Variants in MMP13 observed in about 807,000 individuals in gnomAD.
The protein encoded by MMP13 is collagenase 3.
MMP13 carries 45 observed loss-of-function variants against 52.1 expected under a neutral mutation model. That is an observed-to-expected ratio of 0.86 (90% CI 0.68 to 1.11). MMP13 has a LOEUF of 1.11. Among genes scored for constraint, MMP13 ranks in the 50% least tolerant of loss-of-function variants. MMP13 has a pLI of 0.00. For missense variants in MMP13, 576 were observed against 583.8 expected, an observed-to-expected ratio of 0.99 and a Z score of 0.14; for synonymous variants, 200 against 204.4, an observed-to-expected ratio of 0.98 and a Z score of 0.18.
At chr11:102,954,707 T>A in intron 2 of MMP13, 101 bp from the exon 3 acceptor site, 1 of 1,160,472 alleles carries the variant, frequency 8.6e-7, no homozygotes, top group Non-Finnish European at 1.3e-6. Flanking sequence ...ATGCAATAAT[T>A]TCTTTGAAAG....
At position 102,955,627 on chromosome 11, in the gene MMP13, C is replaced by T; in HGVS notation, c.79G>A (p.Asp27Asn). The change falls in exon 1 of 10, where the codon GAT becomes AAT. Residue 27 changes from aspartate to asparagine, a missense_variant. Physicochemically the swap from Asp to Asn is conservative, Grantham distance 23. Coordinates refer to ENST00000260302, the MANE Select transcript of MMP13 (RefSeq NM_002427.4). This position sits in a 1 kb window ranked among gnomAD's most constrained non-coding sequence, Gnocchi z 4.9. ...CRALPLPSGG[D>N]EDDLSEEDLQ... ...TCTTCCTCAGACAAATCATCTTCAT[C>T]ACCACCACTGGGAAGGGGCAGGGCC... The T allele has an allele frequency of 6.2e-7, 1 of 1,614,026 alleles. No homozygotes were observed. Among genetic ancestry groups the T allele is most frequent in the Non-Finnish European group, 8.5e-7 (1 of 1,179,928 alleles).
In MMP13 at chr11:102,944,375, A is replaced by C; in HGVS notation, c.1316-9T>G. ...GAAAAAATAGATATAACCTATAAGA[A>C]AAAGCATAAAGACAATTTCAGAGTT... On this transcript the variant is annotated splice_polypyrimidine_tract_variant and intron_variant, in intron 9 of 9. Coordinates refer to ENST00000260302, the MANE Select transcript of MMP13 (RefSeq NM_002427.4). 6.4e-7 allele frequency: 1 copy of C among 1,562,310 alleles called. No homozygotes were observed. The highest frequency in any genetic ancestry group is 8.8e-7 in the Non-Finnish European group (1 of 1,133,260).
chr11:102,955,186 A>G lies in MMP13; in HGVS notation c.362+66T>C. ...CCAATTAAATAATAAGGCCTACTTA[A>G]TATTAGACATTTAATACTACAAGAA... On this transcript the variant is annotated intron_variant, in intron 2 of 9. Transcript: ENST00000260302. The surrounding 1 kb of genome is among the most constrained non-coding windows in gnomAD (Gnocchi z 4.9). 1 of 1,559,620 alleles carries G rather than the reference A, an allele frequency of 6.4e-7. No individual in the cohort carries two copies.
chr11:102,953,531 T>C (rs1261996955), intron 4 of MMP13, among the ~76,000 whole-genome samples: 3 of 152,194 alleles, frequency 2.0e-5, no homozygotes, highest in African/African-American at 7.2e-5. Flanking sequence ...CCCAATTATT[T>C]TGAGACTTGA....
rs1267865701 is a variant in MMP13, at chr11:102,955,673, G to A, written c.33C>T (p.Phe11=). 1.2e-6 allele frequency: 2 copies of A among 1,613,858 alleles called. No individual in the cohort carries two copies. The highest frequency in any genetic ancestry group is 1.7e-6 in the Non-Finnish European group (2 of 1,179,894). The change falls in exon 1 of 10, where the codon TTC becomes TTT. Residue 11 remains phenylalanine (F), a synonymous_variant. Coordinates refer to ENST00000260302, the MANE Select transcript of MMP13 (RefSeq NM_002427.4). This position sits in a 1 kb window ranked among gnomAD's most constrained non-coding sequence, Gnocchi z 4.9. Reference sequence around the variant, plus strand: ...GGGCCCGACAATGAGTCCAGCTCAAGAAGAGGAAGGCAGCCAGGACCCCTG... The same window carrying A: ...GGGCCCGACAATGAGTCCAGCTCAAAAAGAGGAAGGCAGCCAGGACCCCTG... MHPGVLAAFL[F]LSWTHCRALP...
chr11:102,950,043 C>T (rs1465896857), intron 6 of MMP13, 67 bp downstream of exon 6: 1 of 1,341,324 alleles, frequency 7.5e-7, no homozygotes, highest in South Asian at 1.2e-5. Context: ...GATGTTTTGG[C>T]AATATGCAGA....
At chr11:102,951,146 G>C (rs183532597) in intron 5 of MMP13, among the ~76,000 whole-genome samples, 1 of 127,196 alleles carries the variant, frequency 7.9e-6, no homozygotes, top group East Asian at 2.5e-4. Context: ...TTGAAAACTT[G>C]GGGGGGGAAG....
At chr11:102,953,572 AT>A (rs1860646857) in intron 4 of MMP13, among the ~76,000 whole-genome samples, 2 of 152,198 alleles carry the variant, frequency 1.3e-5, no homozygotes, top group Admixed American at 1.3e-4. Flanking sequence ...CTCATTCAAC[AT>A]TCAGTTTCAT....
chr11:102,954,676 T>C, intron 2 of MMP13, 70 bp from the exon 3 acceptor site: 1 of 1,409,608 alleles, frequency 7.1e-7, no homozygotes, highest in Non-Finnish European at 1.0e-6. Flanking sequence ...ATTTTCTTGG[T>C]ATATTGCTTT....
intron 4 of MMP13, among the ~76,000 whole-genome samples, chr11:102,953,890 A>T (rs1273750542): frequency 2.0e-5 from 3 of 152,220 alleles, no homozygotes; most frequent in African/African-American, 7.2e-5. Context: ...GCTGACAGAC[A>T]TAAACATTTT....
chr11:102,946,773 G>A (rs1010482005), intron 8 of MMP13, among the ~76,000 whole-genome samples: 3 of 152,134 alleles, frequency 2.0e-5, no homozygotes, highest in Admixed American at 6.6e-5. Flanking sequence ...AATGAAATGC[G>A]GTACCTGGTA....
Position 102,947,957 on chromosome 11 carries a change from A to G in MMP13, c.1145T>C (p.Ile382Thr). ...ATCCTCAAAGTGAACAGCTGCACTT[A>G]TCTTCTTAACTTCTTTTGGAAGACC... The part of the protein sequence containing the change: ...ELGLPKEVKK[I>T]SAAVHFEDTG... Residue 382 changes from isoleucine (I) to threonine (T), a missense_variant, in exon 8 of 10, where the codon ATA becomes ACA. Coordinates refer to ENST00000260302, the MANE Select transcript of MMP13 (RefSeq NM_002427.4). The G allele has an allele frequency of 1.2e-6, 2 of 1,613,966 alleles. No individual in the cohort carries two copies. The highest frequency in any genetic ancestry group is 1.7e-6 in the Non-Finnish European group (2 of 1,179,902).
chr11:102,955,588 C>T lies in MMP13; in HGVS notation c.118G>A (p.Glu40Lys), dbSNP rs369436172. 35 of 1,613,900 alleles carry T rather than the reference C, an allele frequency of 2.2e-5. No individual in the cohort carries two copies. Among genetic ancestry groups the T allele is most frequent in the Non-Finnish European group, 1.4e-5 (16 of 1,179,920 alleles). Residue 40 changes from glutamate (E) to lysine (K), a missense_variant and splice_region_variant, in exon 1 of 10, where the codon GAG becomes AAG. By Grantham distance (56) the Glu-to-Lys change is moderately conservative. Transcript: ENST00000260302. This position sits in a 1 kb window ranked among gnomAD's most constrained non-coding sequence, Gnocchi z 4.9. The part of the protein sequence containing the change: ...DLSEEDLQFA[E>K]RYLRSYYHPT... ...TCAGGATTGGCAAGATACTCTACCT[C>T]TGCAAACTGGAGGTCTTCCTCAGAC...
At chr11:102,953,842 C>T (rs941781331) in intron 4 of MMP13, among the ~76,000 whole-genome samples, 3 of 152,160 alleles carry the variant, frequency 2.0e-5, no homozygotes, top group Non-Finnish European at 4.4e-5. Context: ...TGTACTTCCT[C>T]AACATGCCAA....
chr11:102,943,129 G>A lies in MMP13; in HGVS notation c.*1137C>T, dbSNP rs184451705. 2 of 152,026 alleles carry A rather than the reference G, an allele frequency of 1.3e-5. No homozygotes were observed. The highest frequency in any genetic ancestry group is 1.9e-4 in the East Asian group (1 of 5,164). 9.4% of individuals were successfully genotyped at this position (152,026 alleles called of 1,614,324 possible). A position where few individuals can be genotyped will look rare whatever the true frequency, so the allele number is the denominator to read the frequency against. On this transcript the variant is annotated 3_prime_UTR_variant, in exon 10 of 10. Coordinates refer to ENST00000260302, the MANE Select transcript of MMP13 (RefSeq NM_002427.4). ...CACAATAGTTCTTCCCTTGATGGCC[G>A]ATCATATATTCAATAAGTGCCAAGC...
At chr11:102,947,314 C>T (rs782508694) in intron 8 of MMP13, among the ~76,000 whole-genome samples, 4 of 152,106 alleles carry the variant, frequency 2.6e-5, no homozygotes, top group Admixed American at 2.0e-4. Context: ...TGGTGGCTCA[C>T]GACTGTAATT....
chr11:102,948,004 A>G lies in MMP13; in HGVS notation c.1098T>C (p.Tyr366=), dbSNP rs782337334. The stretch of plus-strand genomic sequence containing the variant: ...GACCCAGTTCAGATATTTTTTTGGG[A>G]TAACCTTCCAGAATGTCATAACCAT... The part of the protein sequence containing the change: ...ALNGYDILEG[Y]PKKISELGLP... Residue 366 remains tyrosine, a synonymous_variant, in exon 8 of 10, where the codon TAT becomes TAC. Coordinates refer to ENST00000260302, the MANE Select transcript of MMP13 (RefSeq NM_002427.4). 19 of 1,613,630 alleles carry G rather than the reference A, an allele frequency of 1.2e-5. No homozygotes were observed. The highest frequency in any genetic ancestry group is 1.7e-5 in the Admixed American group (1 of 59,964).
intron 5 of MMP13, among the ~76,000 whole-genome samples, chr11:102,951,063 G>A (rs1773813619): frequency 6.6e-6 from 1 of 152,088 alleles, no homozygotes; most frequent in African/African-American, 2.4e-5. Context: ...ACTGTGTACT[G>A]TGGCTTTAAC....
intron 3 of MMP13, 62 bp from the exon 4 acceptor site, chr11:102,954,343 TG>T: frequency 1.9e-6 from 3 of 1,611,504 alleles, no homozygotes; most frequent in Admixed American, 1.7e-5. Flanking sequence ...CACAGGTGTT[TG>T]GTAAATTAGT....
Sources: gnomAD v4.1 joint callset for allele counts (sites outside exome capture counted in the v4.1 genomes callset) on GRCh38, gnomAD v4.1.1 for gene constraint, Gnocchi (gnomAD v3.1) non-coding constraint, MANE v1.5 for transcripts, NCBI Gene and HGNC (gene_info 2026-07-23, HGNC 2026-07-21) for gene names.